OR2L13: variants seen among roughly 807,000 people sequenced by gnomAD.
OR2L13 encodes olfactory receptor family 2 subfamily L member 13, also known as olfactory receptor 2L13.
In OR2L13, 14 loss-of-function variants were observed where a neutral mutation model predicts 15.3. The ratio of observed to expected loss-of-function variants is 0.91; its 90% confidence interval spans 0.60 to 1.43. The LOEUF is 1.43. OR2L13 is among the 40% of genes most tolerant of loss of function. The pLI, the probability that OR2L13 is intolerant of heterozygous loss-of-function variation, is 0.00. For synonymous variants in OR2L13, 152 were observed against 142.9 expected (o/e 1.06, Z -0.45); for missense variants, 367 against 387.9 (o/e 0.95, Z 0.45).
chr1:248,052,952 AT>A, the OR2L13 span, among the ~76,000 whole-genome samples: 3 of 150,262 alleles, frequency 2.0e-5, no homozygotes, highest in Non-Finnish European at 3.0e-5. Context: ...TAATTATTTT[AT>A]TGTTTGTTTT....
the OR2L13 span, chr1:247,975,285 C>T: frequency 6.6e-6 from 3 of 454,596 alleles, no homozygotes; most frequent in African/African-American, 6.1e-5. Context: ...CTCTGGCCTT[C>T]GTGGACACCT....
At chr1:248,025,624 A>C in the OR2L13 span, among the ~76,000 whole-genome samples, 1 of 147,664 alleles carries the variant, frequency 6.8e-6, no homozygotes, top group East Asian at 2.0e-4. Flanking sequence ...ACTATAAATC[A>C]TGCTGCTATA....
At chr1:247,971,304 G>A in the OR2L13 span, among the ~76,000 whole-genome samples, 16 of 152,104 alleles carry the variant, frequency 1.1e-4, no homozygotes, top group Non-Finnish European at 1.8e-4. Flanking sequence ...ACCAGCCATC[G>A]AGATCCAGGT....
chr1:248,010,763 G>GTTTTTTTTTTTTTT, the OR2L13 span, among the ~76,000 whole-genome samples: 45 of 44,478 alleles, frequency 1.0e-3, 2 homozygotes, highest in African/African-American at 1.3e-3. Context: ...CTTTGTTGTT[G>GTTTTTTTTTTTTTT]TTTTTTTTTT....
the OR2L13 span, among the ~76,000 whole-genome samples, chr1:248,047,389 GT>G: frequency 4.6e-5 from 7 of 152,086 alleles, no homozygotes; most frequent in African/African-American, 1.7e-4. Flanking sequence ...TATTAGTGTT[GT>G]TTTTGCATAA....
chr1:248,070,173 T>G, the OR2L13 span, among the ~76,000 whole-genome samples: 1 of 152,136 alleles, frequency 6.6e-6, no homozygotes, highest in Non-Finnish European at 1.5e-5. Context: ...AGAATATACA[T>G]TTTTTTCAGC....
At chr1:247,990,967 A>C in the OR2L13 span, 1 of 1,484,714 alleles carries the variant, frequency 6.7e-7, no homozygotes, top group Non-Finnish European at 9.4e-7. Context: ...AGAAGGGAGG[A>C]AGAAGGCCTA....
At chr1:248,027,773 C>T in the OR2L13 span, among the ~76,000 whole-genome samples, 1 of 152,126 alleles carries the variant, frequency 6.6e-6, no homozygotes, top group Non-Finnish European at 1.5e-5. Flanking sequence ...CAGGATGCAG[C>T]ATCTTCATCT....
chr1:247,957,728 G>A, the OR2L13 span, among the ~76,000 whole-genome samples: 11 of 152,162 alleles, frequency 7.2e-5, no homozygotes, highest in African/African-American at 1.4e-4. Context: ...GTTTATTTGC[G>A]TAGAGGTGTT....
At chr1:247,985,275 A>G in the OR2L13 span, among the ~76,000 whole-genome samples, 645 of 151,686 alleles carry the variant, frequency 4.3e-3, 4 homozygotes, top group African/African-American at 0.014. Context: ...CTACCCCACA[A>G]CAGGCCCCGG....
At chr1:248,060,436 A>G in the OR2L13 span, among the ~76,000 whole-genome samples, 11 of 152,212 alleles carry the variant, frequency 7.2e-5, no homozygotes, top group Admixed American at 2.0e-4. Flanking sequence ...GTATTATAGT[A>G]TACTGTATAT....
chr1:248,015,081 TGA>T, the OR2L13 span, among the ~76,000 whole-genome samples: 704 of 152,290 alleles, frequency 4.6e-3, 6 homozygotes, highest in African/African-American at 0.016. Context: ...TGGTAGGTTG[TGA>T]CTTGGAAGCA....
chr1:247,956,662 C>G, the OR2L13 span, among the ~76,000 whole-genome samples: 3 of 151,778 alleles, frequency 2.0e-5, no homozygotes, highest in African/African-American at 7.2e-5. Context: ...TCCTTCACGT[C>G]CCTTCTAAGT....
the OR2L13 span, among the ~76,000 whole-genome samples, chr1:247,984,636 G>T: frequency 2.6e-5 from 4 of 152,230 alleles, no homozygotes; most frequent in South Asian, 8.3e-4. Context: ...GCTCTGTAGA[G>T]GCTGAGAAAC....
At chr1:248,054,733 C>T in the OR2L13 span, among the ~76,000 whole-genome samples, 1 of 152,134 alleles carries the variant, frequency 6.6e-6, no homozygotes. Context: ...CATGATTTGG[C>T]TTTCTGCCTG....
chr1:248,096,297 G>C (rs1664739616), upstream of OR2L13, among the ~76,000 whole-genome samples: 1 of 151,802 alleles, frequency 6.6e-6, no homozygotes, highest in Non-Finnish European at 1.5e-5. Context: ...GCAGGAGAAG[G>C]GCGTGAACCC....
At chr1:248,025,498 G>T in the OR2L13 span, among the ~76,000 whole-genome samples, 7 of 149,572 alleles carry the variant, frequency 4.7e-5, no homozygotes, top group Non-Finnish European at 7.4e-5. Context: ...TACACTGTTG[G>T]TGGGACTGTA....
At chr1:248,011,833 G>T in the OR2L13 span, among the ~76,000 whole-genome samples, 2 of 152,176 alleles carry the variant, frequency 1.3e-5, no homozygotes, top group South Asian at 2.1e-4. Flanking sequence ...CAATCCTCCT[G>T]CCCTCAGTAT....
chr1:248,008,907 G>A, the OR2L13 span, among the ~76,000 whole-genome samples: 1 of 152,048 alleles, frequency 6.6e-6, no homozygotes, highest in Non-Finnish European at 1.5e-5. Context: ...ACAACTACAT[G>A]GAAACTGAAC....
Sources: gnomAD v4.1 joint callset for allele counts (sites outside exome capture counted in the v4.1 genomes callset) on GRCh38, gnomAD v4.1.1 for gene constraint, MANE v1.5 for transcripts, NCBI Gene and HGNC (gene_info 2026-07-23, HGNC 2026-07-21) for gene names.